Variants in MSRA observed in about 807,000 individuals in gnomAD.
MSRA encodes the protein methionine sulfoxide reductase A.
MSRA carries 54 observed loss-of-function variants against 31.3 expected under a neutral mutation model. The ratio of observed to expected loss-of-function variants is 1.73; its 90% CI spans 1.39 to 2.17. MSRA has a LOEUF of 2.17. Among genes scored for constraint, MSRA ranks in the 30% most tolerant of loss-of-function variants. MSRA has a pLI of 0.00. For missense variants in MSRA, 507 were observed against 300.9 expected (o/e 1.69, Z -5.07); for synonymous variants, 169 against 116.5 (o/e 1.45, Z -2.90).
intron 1 of MSRA, among the ~76,000 whole-genome samples, chr8:10,199,344 G>T (rs150643606): frequency 6.6e-6 from 1 of 152,098 alleles, no homozygotes; most frequent in African/African-American, 2.4e-5. Flanking sequence ...TTTTTGAGAC[G>T]CATTCTCACT....
chr8:10,420,610 C>T (rs997442553), intron 5 of MSRA, among the ~76,000 whole-genome samples: 2 of 152,090 alleles, frequency 1.3e-5, no homozygotes, highest in Non-Finnish European at 2.9e-5. Flanking sequence ...CTCGGATCTG[C>T]AGAGTTACTA....
At chr8:10,382,206 G>C (rs1314903614) in intron 5 of MSRA, among the ~76,000 whole-genome samples, 1 of 152,196 alleles carries the variant, frequency 6.6e-6, no homozygotes, top group Non-Finnish European at 1.5e-5. Flanking sequence ...AGATGAGGCT[G>C]CTGGCTTCCC....
At position 10,386,872 on chromosome 8, in the gene MSRA, T is replaced by TAAA. The variant is rs61367767; in HGVS notation, c.544-41258_544-41256dup. 1.2e-3 allele frequency among the ~76,000 whole-genome samples: 165 copies of TAAA among 132,920 alleles called. 1 individual carries two copies. Among genetic ancestry groups the TAAA allele is most frequent in the Middle Eastern group, 3.6e-3 (1 of 274 alleles). The allele number at this position is 132,920 out of a possible 152,430, so 87.2% of individuals were successfully genotyped here. A position where few individuals can be genotyped will look rare whatever the true frequency, so the allele number is the denominator to read the frequency against. On this transcript the variant is annotated intron_variant, in intron 5 of 5. Transcript: ENST00000317173. ...AGACTCTTCTTCAGAGTGGATTATT[T>TAAA]AAAAAAAAAAAAAAAAAAAACAGTC...
At chr8:10,109,134 C>T (rs1800099399) in intron 1 of MSRA, among the ~76,000 whole-genome samples, 1 of 152,118 alleles carries the variant, frequency 6.6e-6, no homozygotes, top group Non-Finnish European at 1.5e-5. Flanking sequence ...CATAGCAAAA[C>T]ACAAATTAAG....
chr8:10,171,918 T>C (rs1805622636), intron 1 of MSRA, among the ~76,000 whole-genome samples: 2 of 152,216 alleles, frequency 1.3e-5, no homozygotes, highest in Admixed American at 1.3e-4. Flanking sequence ...TCTTAATAGA[T>C]GAGAGAATGC....
intron 2 of MSRA, among the ~76,000 whole-genome samples, chr8:10,212,309 T>G (rs1266678730): frequency 2.0e-5 from 3 of 152,328 alleles, no homozygotes; most frequent in Non-Finnish European, 4.4e-5. Context: ...TAATGAGGGA[T>G]AAACCTGGAG....
intron 5 of MSRA, among the ~76,000 whole-genome samples, chr8:10,424,928 G>C (rs4503103): frequency 0.95 from 144,142 of 152,304 alleles, 68,737 homozygotes; most frequent in Non-Finnish European, 1. Context: ...AGGAGCAGGG[G>C]GGCTGCGAAG....
intron 2 of MSRA, among the ~76,000 whole-genome samples, chr8:10,226,525 G>C (rs908895387): frequency 6.6e-6 from 1 of 152,116 alleles, no homozygotes; most frequent in Non-Finnish European, 1.5e-5. Context: ...GCAGTGTCAT[G>C]GTCATTGGCT....
At chr8:10,123,535 G>A (rs755312280) in intron 1 of MSRA, among the ~76,000 whole-genome samples, 3 of 152,110 alleles carry the variant, frequency 2.0e-5, no homozygotes, top group Non-Finnish European at 4.4e-5. Context: ...GATCCCATTT[G>A]TCAATTTTTT....
chr8:10,428,368 G>A lies in MSRA; in HGVS notation c.*56G>A, dbSNP rs751517019. On this transcript the variant is annotated 3_prime_UTR_variant, in exon 6 of 6. Coordinates refer to ENST00000317173, the MANE Select transcript of MSRA (RefSeq NM_012331.5). ...CCAGTAAAAATGCTTTCAACAAATTGGGCAATGCTTGTGTGATTCACAATC... is the reference window on the plus strand; with the variant it reads ...CCAGTAAAAATGCTTTCAACAAATTAGGCAATGCTTGTGTGATTCACAATC... 25 of 1,562,194 alleles carry A rather than the reference G, an allele frequency of 1.6e-5. No homozygotes were observed. Among genetic ancestry groups the A allele is most frequent in the Non-Finnish European group, 2.2e-5 (25 of 1,140,654 alleles).
chr8:10,311,635 A>G (rs890514022), intron 4 of MSRA, among the ~76,000 whole-genome samples: 1 of 152,180 alleles, frequency 6.6e-6, no homozygotes, highest in African/African-American at 2.4e-5. Flanking sequence ...ATTTCTGGCC[A>G]GGCATTATGG....
chr8:10,101,673 A>T (rs891290430), intron 1 of MSRA, among the ~76,000 whole-genome samples: 1 of 152,200 alleles, frequency 6.6e-6, no homozygotes, highest in African/African-American at 2.4e-5. Flanking sequence ...TTCACTTAGC[A>T]TAATGTCCTC....
At chr8:10,146,616 A>G (rs1395471482) in intron 1 of MSRA, among the ~76,000 whole-genome samples, 1 of 152,140 alleles carries the variant, frequency 6.6e-6, no homozygotes, top group African/African-American at 2.4e-5. Context: ...CGGCGGTTGT[A>G]CAACTTTCTG....
intron 1 of MSRA, among the ~76,000 whole-genome samples, chr8:10,144,593 T>C (rs1053111096): frequency 2.6e-5 from 4 of 151,784 alleles, no homozygotes; most frequent in East Asian, 1.9e-4. Context: ...AAACAGCGCT[T>C]CCCCCCCTCC....
chr8:10,081,268 C>T (rs1170468037), intron 1 of MSRA, among the ~76,000 whole-genome samples: 2 of 152,208 alleles, frequency 1.3e-5, no homozygotes, highest in Non-Finnish European at 2.9e-5. Flanking sequence ...GTGGTCAGAA[C>T]CTGGCATCCC....
At chr8:10,145,147 C>T (rs1052657693) in intron 1 of MSRA, among the ~76,000 whole-genome samples, 59 of 152,108 alleles carry the variant, frequency 3.9e-4, no homozygotes, top group African/African-American at 1.3e-3. Flanking sequence ...TTTTCACTGG[C>T]GGAGCTGAGT....
chr8:10,365,383 C>T (rs944364255), intron 5 of MSRA, among the ~76,000 whole-genome samples: 2 of 152,130 alleles, frequency 1.3e-5, no homozygotes, highest in African/African-American at 4.8e-5. Context: ...CATCTGCCAT[C>T]CAAAGTCAGA....
At chr8:10,339,556 T>TG (rs71203313) in intron 5 of MSRA, among the ~76,000 whole-genome samples, 1 of 100,726 alleles carries the variant, frequency 9.9e-6, no homozygotes, top group Admixed American at 1.2e-4. Flanking sequence ...TTTTTTTTTT[T>TG]TCTGAGACGG....
At chr8:10,157,154 G>T (rs543049085) in intron 1 of MSRA, among the ~76,000 whole-genome samples, 1 of 151,962 alleles carries the variant, frequency 6.6e-6, no homozygotes, top group African/African-American at 2.4e-5. Flanking sequence ...CTACCTGTAT[G>T]CCTGGAAATA....
Sources: allele counts gnomAD v4.1 joint callset (sites outside exome capture counted in the v4.1 genomes callset), GRCh38; gene constraint gnomAD v4.1.1; transcripts MANE v1.5; gene names NCBI Gene and HGNC (gene_info 2026-07-23, HGNC 2026-07-21).